Variants in MAP2K6 observed in about 807,000 individuals in gnomAD.
MAP2K6 encodes mitogen-activated protein kinase kinase 6, also known as dual specificity mitogen-activated protein kinase kinase 6.
MAP2K6 carries 16 observed loss-of-function variants against 53.7 expected under a neutral mutation model. The ratio of observed to expected loss-of-function variants is 0.30; its 90% CI spans 0.20 to 0.45. MAP2K6 has a LOEUF of 0.45. Ranked by LOEUF, MAP2K6 falls within the 20% of genes least tolerant of loss-of-function variation. The pLI is 1.00. For synonymous variants in MAP2K6, 132 were observed against 143.1 expected, an observed-to-expected ratio of 0.92 and a Z score of 0.55; for missense variants, 204 against 411.9, an observed-to-expected ratio of 0.50 and a Z score of 4.37.
At chr17:69,416,547 A>C (rs938336502) in intron 1 of MAP2K6, among the ~76,000 whole-genome samples, 4 of 152,138 alleles carry the variant, frequency 2.6e-5, no homozygotes, top group African/African-American at 9.7e-5. Context: ...AGTTTAATAT[A>C]TGTGTAATAT....
intron 1 of MAP2K6, among the ~76,000 whole-genome samples, chr17:69,417,475 C>G (rs1905942644): frequency 6.6e-6 from 1 of 152,178 alleles, no homozygotes; most frequent in African/African-American, 2.4e-5. Context: ...GGTTACTGCT[C>G]TACAGCCTTA....
At position 69,514,664 on chromosome 17, in the gene MAP2K6, C is replaced by T. The variant is rs906185348; in HGVS notation, c.84-2191C>T. On this transcript the variant is annotated intron_variant, in intron 2 of 11. Coordinates refer to ENST00000590474, the MANE Select transcript of MAP2K6 (RefSeq NM_002758.4). Reference sequence around the variant, plus strand: ...TCAACCTCTGCCTCCTGGGTTCAAGCGATTCTCCTGCCTCAGCCTCCCGAA... The same window carrying T: ...TCAACCTCTGCCTCCTGGGTTCAAGTGATTCTCCTGCCTCAGCCTCCCGAA... 9.2e-5 allele frequency among the ~76,000 whole-genome samples: 14 copies of T among 152,096 alleles called. No homozygotes were observed. In the East Asian group the frequency reaches 2.3e-3, roughly 25 times the overall value.
intron 1 of MAP2K6, chr17:69,477,325 T>C (rs1908187753): frequency 6.6e-6 from 1 of 152,204 alleles, no homozygotes; most frequent in Non-Finnish European, 1.5e-5. Flanking sequence ...GGGGTTATCG[T>C]CTCCTGTCCA....
At chr17:69,525,563 C>T (rs535195468) in intron 9 of MAP2K6, among the ~76,000 whole-genome samples, 2 of 152,244 alleles carry the variant, frequency 1.3e-5, no homozygotes, top group East Asian at 1.9e-4. Context: ...GGAGGCCTCA[C>T]GATCATGGCG....
chr17:69,425,733 G>A (rs1188601858), intron 1 of MAP2K6, among the ~76,000 whole-genome samples: 1 of 152,220 alleles, frequency 6.6e-6, no homozygotes, highest in East Asian at 1.9e-4. Flanking sequence ...GTTGTTGAGT[G>A]ACAAGTTATT....
In MAP2K6 at chr17:69,524,941, G is replaced by A. The variant is rs1910689331; in HGVS notation, c.704G>A (p.Ser235Asn). The stretch of plus-strand genomic sequence containing the variant: ...CCAGAGCTCAACCAGAAGGGATACA[G>A]TGTGAAGTCTGACATTTGGAGTCTG... ...INPELNQKGYSVKSDIWSLGI... is the reference protein window; with the variant it reads ...INPELNQKGYNVKSDIWSLGI... Residue 235 changes from serine (S) to asparagine (N), a missense_variant, in exon 9 of 12, where the codon AGT (serine) becomes AAT (asparagine). Physicochemically the swap from Ser to Asn is conservative, Grantham distance 46. This residue lies in a region of MAP2K6 where 28 missense variants were observed against 102.5 expected (regional missense o/e 0.27). Coordinates refer to ENST00000590474, the MANE Select transcript of MAP2K6 (RefSeq NM_002758.4). 1.9e-6 allele frequency: 3 copies of A among 1,613,238 alleles called. No homozygotes were observed. In the African/African-American group the frequency reaches 4.0e-5, roughly 22 times the overall value.
chr17:69,497,705 C>CA (rs1319103777), intron 1 of MAP2K6, among the ~76,000 whole-genome samples: 1 of 152,190 alleles, frequency 6.6e-6, no homozygotes, highest in Non-Finnish European at 1.5e-5. Flanking sequence ...GTAGAAAACT[C>CA]AGAATTCTTT....
chr17:69,489,239 A>G (rs201236675), intron 1 of MAP2K6, among the ~76,000 whole-genome samples: 4,591 of 150,298 alleles, frequency 0.031, 209 homozygotes, highest in East Asian at 0.15. Flanking sequence ...AAAAAAAAAA[A>G]GGAAAAAAGG....
Position 69,420,282 on chromosome 17 carries a change from A to G in MAP2K6, c.16+5282A>G, listed in dbSNP as rs953296679. Among the ~76,000 whole-genome samples, 7 of 152,344 alleles carry G rather than the reference A, an allele frequency of 4.6e-5. No individual in the cohort carries two copies. In the South Asian group the frequency reaches 1.2e-3, roughly 27 times the overall value. On this transcript the variant is annotated intron_variant, in intron 1 of 11. Coordinates refer to ENST00000590474, the MANE Select transcript of MAP2K6 (RefSeq NM_002758.4). ...CTTTAGGTTTATAAATAATTCTTAC[A>G]TAGCACCTGGTTGTGTTATATGCAT...
chr17:69,526,763 A>G, intron 10 of MAP2K6, 54 bp downstream of exon 10: 13 of 1,581,296 alleles, frequency 8.2e-6, no homozygotes, highest in Non-Finnish European at 1.1e-5. Flanking sequence ...ATGAGTTCTC[A>G]TGAATTTCTT....
At chr17:69,493,946 T>A (rs1438423210) in intron 1 of MAP2K6, among the ~76,000 whole-genome samples, 1 of 152,180 alleles carries the variant, frequency 6.6e-6, no homozygotes, top group Non-Finnish European at 1.5e-5. Context: ...GAGTTTAAGT[T>A]AGCTTGCTAG....
At chr17:69,513,306 A>G (rs1441333741) in intron 2 of MAP2K6, among the ~76,000 whole-genome samples, 2 of 152,202 alleles carry the variant, frequency 1.3e-5, no homozygotes, top group Non-Finnish European at 2.9e-5. Context: ...CCTCGATGGG[A>G]ATCGCAAGAG....
In MAP2K6 at chr17:69,437,363, C is replaced by T. The variant is rs143879375; in HGVS notation, c.16+22363C>T. ...TCATCATAAAGGTTTTCATCCTCAT[C>T]GTCTTCACATTGAGTAGGCTAAGGA... On this transcript the variant is annotated intron_variant, in intron 1 of 11. Transcript: ENST00000590474. 1.0e-3 allele frequency among the ~76,000 whole-genome samples: 152 copies of T among 152,120 alleles called. 1 individual carries two copies. The highest frequency in any genetic ancestry group is 3.5e-3 in the African/African-American group (145 of 41,488).
In MAP2K6 at chr17:69,537,174, G is replaced by A. The variant is rs574784770; in HGVS notation, c.927+1014G>A. 3.3e-5 allele frequency among the ~76,000 whole-genome samples: 5 copies of A among 152,298 alleles called. No homozygotes were observed. In the South Asian group the frequency reaches 1.0e-3, roughly 32 times the overall value. On this transcript the variant is annotated intron_variant, in intron 11 of 11. Coordinates refer to ENST00000590474, the MANE Select transcript of MAP2K6 (RefSeq NM_002758.4). The stretch of plus-strand genomic sequence containing the variant: ...TCTAAAAGCTAAATACAAATGGCAA[G>A]GACCTAAACTTGGCAATGCTTTGCT...
intron 7 of MAP2K6, chr17:69,521,806 CAAAAAAAAAAAAA>C (rs71293537): frequency 1.3e-5 from 1 of 79,340 alleles, no homozygotes; most frequent in African/African-American, 4.7e-5. Flanking sequence ...GATAAATGTA[CAAAAAAAAAAAAA>C]AAAAAAAAAA....
At position 69,542,440 on chromosome 17, in the gene MAP2K6, C is replaced by G. The variant is rs142247026; in HGVS notation, c.*687C>G. On this transcript the variant is annotated 3_prime_UTR_variant, in exon 12 of 12. Coordinates refer to ENST00000590474, the MANE Select transcript of MAP2K6 (RefSeq NM_002758.4). ...CTTTTAGGGGAAGTGACAAGATGCT[C>G]TGGTCATACTCTTTTTCCCAACTTT... The G allele has an allele frequency of 1.2e-4, 19 of 152,708 alleles. No homozygotes were observed. Among genetic ancestry groups the G allele is most frequent in the African/African-American group, 3.8e-4 (16 of 41,576 alleles). The allele number at this position is 152,708 out of a possible 1,614,324, so 9.5% of individuals were successfully genotyped here.
At chr17:69,502,385 C>T in intron 1 of MAP2K6, 3 of 985,462 alleles carry the variant, frequency 3.0e-6, no homozygotes, top group Non-Finnish European at 3.6e-6. Flanking sequence ...CTCTGCTGGT[C>T]TCTTACTGTG....
In MAP2K6 at chr17:69,538,115, C is replaced by T. The variant is rs182634848; in HGVS notation, c.927+1955C>T. 5.3e-5 allele frequency among the ~76,000 whole-genome samples: 8 copies of T among 152,224 alleles called. No individual in the cohort carries two copies. In the East Asian group the frequency reaches 5.8e-4, roughly 11 times the overall value. ...GAAGTCGTGGGCTCAAACAATCCCC[C>T]GGCCTGGGCCCCCCAAGTAGCTGGG... On this transcript the variant is annotated intron_variant, in intron 11 of 11. Coordinates refer to ENST00000590474, the MANE Select transcript of MAP2K6 (RefSeq NM_002758.4).
chr17:69,510,491 A>G (rs1909755239), intron 2 of MAP2K6, among the ~76,000 whole-genome samples: 1 of 152,116 alleles, frequency 6.6e-6, no homozygotes, highest in South Asian at 2.1e-4. Context: ...ATGAATTGGT[A>G]AGTGTTGCTT....
Sources: gnomAD v4.1 joint callset for allele counts (sites outside exome capture counted in the v4.1 genomes callset) on GRCh38, gnomAD v4.1.1 for gene constraint, gnomAD v4.1.1 regional missense constraint, MANE v1.5 for transcripts, NCBI Gene and HGNC (gene_info 2026-07-23, HGNC 2026-07-21) for gene names.